The following SLC25A21 variants were observed in gnomAD, a reference collection of about 807,000 sequenced individuals.
SLC25A21 encodes the protein solute carrier family 25 member 21.
SLC25A21 carries 47 observed loss-of-function variants against 43.8 expected under a neutral mutation model. The observed-to-expected ratio is 1.07, with a 90% CI of 0.85 to 1.37. SLC25A21 has a LOEUF of 1.37. Ranked by LOEUF, SLC25A21 falls within the 40% of genes most tolerant of loss-of-function variation. The pLI is 0.00. For missense variants in SLC25A21, 352 were observed against 350.2 expected (o/e 1.00, Z -0.04); for synonymous variants, 131 against 121.3 (o/e 1.08, Z -0.52).
At chr14:36,739,598 A>G (rs1885170267) in intron 3 of SLC25A21, among the ~76,000 whole-genome samples, 1 of 151,684 alleles carries the variant, frequency 6.6e-6, no homozygotes, top group African/African-American at 2.4e-5. Context: ...GAATTGCTTG[A>G]ACCCGGGAGG....
In SLC25A21 at chr14:36,719,838, AC is replaced by A. The variant is rs373613385; in HGVS notation, c.438+5731del. On this transcript the variant is annotated intron_variant, in intron 6 of 9. Transcript: ENST00000331299. ...ATATTTTGTGGGTAACATACTTCTG[AC>A]TGGGTACAGGATCAGAGAGGAGAGC... Among the ~76,000 whole-genome samples, 19 of 152,312 alleles carry A rather than the reference AC, an allele frequency of 1.2e-4. No individual in the cohort carries two copies. The East Asian group carries it at 3.5e-3, about 28-fold the overall frequency.
intron 1 of SLC25A21, among the ~76,000 whole-genome samples, chr14:37,024,359 C>T (rs1047869190): frequency 2.0e-5 from 3 of 151,996 alleles, no homozygotes; most frequent in African/African-American, 4.8e-5. Flanking sequence ...CAAGTAGGGT[C>T]AACAGAGGGC....
chr14:36,907,088 T>C (rs1047054515), intron 1 of SLC25A21, among the ~76,000 whole-genome samples: 2 of 152,144 alleles, frequency 1.3e-5, no homozygotes, highest in Non-Finnish European at 2.9e-5. Flanking sequence ...CTTTGAAAAC[T>C]GCAAAGTAAT....
At chr14:36,880,310 G>T (rs1890677211) in intron 1 of SLC25A21, among the ~76,000 whole-genome samples, 1 of 152,140 alleles carries the variant, frequency 6.6e-6, no homozygotes, top group Admixed American at 6.5e-5. Flanking sequence ...ACAGCAACAA[G>T]ACAGACATAG....
intron 3 of SLC25A21, among the ~76,000 whole-genome samples, chr14:36,772,029 C>T (rs1396627787): frequency 6.6e-6 from 1 of 152,076 alleles, no homozygotes; most frequent in Non-Finnish European, 1.5e-5. Flanking sequence ...TCCTTGGGGC[C>T]AACGAACAGG....
intron 2 of SLC25A21, among the ~76,000 whole-genome samples, chr14:36,834,326 T>C (rs778975266): frequency 2.0e-5 from 3 of 152,234 alleles, no homozygotes; most frequent in Non-Finnish European, 4.4e-5. Context: ...GATTAAGTTC[T>C]GGAATATGGT....
At chr14:37,144,952 G>GTTGTTGTTGT (rs1555349807) in intron 1 of SLC25A21, among the ~76,000 whole-genome samples, 29 of 149,434 alleles carry the variant, frequency 1.9e-4, no homozygotes, top group East Asian at 7.7e-4. Context: ...TGTTGTTGTT[G>GTTGTTGTTGT]TTGTTTGTTT....
chr14:37,012,230 A>G (rs570282968), intron 1 of SLC25A21, among the ~76,000 whole-genome samples: 67 of 152,354 alleles, frequency 4.4e-4, no homozygotes, highest in African/African-American at 1.6e-3. Context: ...GTAGCATGAT[A>G]TGTAGTCTAT....
intron 1 of SLC25A21, among the ~76,000 whole-genome samples, chr14:36,962,696 T>G (rs10138779): frequency 0.07 from 10,715 of 152,218 alleles, 557 homozygotes; most frequent in African/African-American, 0.14. Context: ...CTAGAGTATC[T>G]GGAAAAATAG....
intron 1 of SLC25A21, among the ~76,000 whole-genome samples, chr14:36,948,788 A>G (rs1294993748): frequency 6.6e-6 from 1 of 152,102 alleles, no homozygotes; most frequent in Non-Finnish European, 1.5e-5. Context: ...AATGTAAAAG[A>G]CCTCATTAAT....
intron 1 of SLC25A21, among the ~76,000 whole-genome samples, chr14:37,080,705 T>C (rs1962370279): frequency 6.6e-6 from 1 of 152,188 alleles, no homozygotes; most frequent in African/African-American, 2.4e-5. Context: ...CTTCTTTCAC[T>C]AGGATGATAG....
intron 1 of SLC25A21, among the ~76,000 whole-genome samples, chr14:37,072,889 G>C (rs1283456755): frequency 1.3e-5 from 2 of 152,168 alleles, no homozygotes; most frequent in Admixed American, 6.5e-5. Flanking sequence ...AGATAACATA[G>C]TCACCATCAG....
At chr14:36,817,952 C>A (rs1487717214) in intron 2 of SLC25A21, among the ~76,000 whole-genome samples, 1 of 152,136 alleles carries the variant, frequency 6.6e-6, no homozygotes, top group African/African-American at 2.4e-5. Context: ...ATAATATTTC[C>A]AATCTATTGT....
intron 2 of SLC25A21, among the ~76,000 whole-genome samples, chr14:36,852,967 G>T (rs1421122191): frequency 1.3e-5 from 2 of 152,024 alleles, no homozygotes; most frequent in Admixed American, 1.3e-4. Flanking sequence ...TTTAAAATCT[G>T]CTAGAACTTA....
At chr14:36,927,658 A>G (rs1299612897) in intron 1 of SLC25A21, among the ~76,000 whole-genome samples, 1 of 152,160 alleles carries the variant, frequency 6.6e-6, no homozygotes, top group Non-Finnish European at 1.5e-5. Context: ...AGGCAACTCT[A>G]CTAATGTGGA....
At chr14:36,958,218 T>C (rs1319791460) in intron 1 of SLC25A21, among the ~76,000 whole-genome samples, 1 of 152,036 alleles carries the variant, frequency 6.6e-6, no homozygotes, top group African/African-American at 2.4e-5. Flanking sequence ...TAACTGCCTA[T>C]GAACCAAAGA....
intron 3 of SLC25A21, among the ~76,000 whole-genome samples, chr14:36,790,466 T>C (rs971014216): frequency 7.2e-5 from 11 of 152,156 alleles, no homozygotes; most frequent in African/African-American, 2.7e-4. Flanking sequence ...TTAGTTACTC[T>C]GCTTTAGCTC....
At chr14:36,880,153 A>ACTT (rs1890670917) in intron 1 of SLC25A21, among the ~76,000 whole-genome samples, 1 of 152,124 alleles carries the variant, frequency 6.6e-6, no homozygotes, top group Non-Finnish European at 1.5e-5. Context: ...AAAGGGATGT[A>ACTT]AGGGAAAGTG....
At chr14:37,082,522 T>TA (rs1962408244) in intron 1 of SLC25A21, among the ~76,000 whole-genome samples, 1 of 152,212 alleles carries the variant, frequency 6.6e-6, no homozygotes, top group Non-Finnish European at 1.5e-5. Flanking sequence ...CCTAAACCTT[T>TA]AGTCCTCAGA....
Sources: allele counts gnomAD v4.1 joint callset (sites outside exome capture counted in the v4.1 genomes callset), GRCh38; gene constraint gnomAD v4.1.1; transcripts MANE v1.5; gene names NCBI Gene and HGNC (gene_info 2026-07-23, HGNC 2026-07-21).